GOSR2: variants seen among roughly 807,000 people sequenced by gnomAD.
The protein encoded by GOSR2 is 27 kDa Golgi SNARE protein.
A neutral mutation model predicts 27.9 loss-of-function variants in GOSR2; 20 were observed. The ratio of observed to expected loss-of-function variants is 0.72; its 90% CI spans 0.50 to 1.04. The LOEUF is 1.04. Ranked by LOEUF, GOSR2 falls within the 50% of genes least tolerant of loss-of-function variation. The pLI is 0.00. For synonymous variants in GOSR2, 91 were observed against 98.8 expected, an observed-to-expected ratio of 0.92 and a Z score of 0.47; for missense variants, 261 against 270.5, an observed-to-expected ratio of 0.97 and a Z score of 0.25.
chr17:46,933,711 G>T (rs563682051), intron 4 of GOSR2: 1 of 149,480 alleles, frequency 6.7e-6, no homozygotes, highest in East Asian at 1.9e-4. Flanking sequence ...AATGACACAC[G>T]CCTGTGATCC....
At chr17:46,973,890 C>T (rs912274684) in intron 6 of GOSR2, among the ~76,000 whole-genome samples, 1 of 152,186 alleles carries the variant, frequency 6.6e-6, no homozygotes, top group African/African-American at 2.4e-5. Context: ...GTACCCGCCA[C>T]CTCGCATGCT....
chr17:46,973,520 T>G (rs2091414198), intron 6 of GOSR2, among the ~76,000 whole-genome samples: 1 of 152,058 alleles, frequency 6.6e-6, no homozygotes, highest in African/African-American at 2.4e-5. Flanking sequence ...GGTTAAACTC[T>G]CCTTATCCAT....
chr17:46,927,962 T>C (rs1453367745), intron 1 of GOSR2, among the ~76,000 whole-genome samples: 1 of 152,190 alleles, frequency 6.6e-6, no homozygotes, highest in Non-Finnish European at 1.5e-5. Context: ...CTTAGAGTCC[T>C]AATTCTCCTT....
chr17:46,943,124 C>T (rs1250651953), downstream of GOSR2, among the ~76,000 whole-genome samples: 1 of 152,192 alleles, frequency 6.6e-6, no homozygotes, highest in Non-Finnish European at 1.5e-5. Context: ...GGCTCTAATA[C>T]AAGAACATCA....
Position 46,939,994 on chromosome 17 carries a change from A to T in GOSR2, c.*1234A>T, listed in dbSNP as rs534098104. 2.4e-5 allele frequency: 24 copies of T among 1,010,364 alleles called. No individual in the cohort carries two copies. In the African/African-American group the frequency reaches 4.0e-4, roughly 17 times the overall value. 62.6% of individuals were successfully genotyped at this position (1,010,364 alleles called of 1,614,324 possible). On this transcript the variant is annotated 3_prime_UTR_variant, in exon 6 of 6. Transcript: ENST00000640051. ...CATAAAATGACACTCAAAATCCTTCAGATCTGGAAACCGGCTCAGTATTAA... is the reference window on the plus strand; with the variant it reads ...CATAAAATGACACTCAAAATCCTTCTGATCTGGAAACCGGCTCAGTATTAA...
chr17:46,953,485 G>T (rs1478928763), intron 6 of GOSR2, among the ~76,000 whole-genome samples: 1 of 152,126 alleles, frequency 6.6e-6, no homozygotes, highest in Non-Finnish European at 1.5e-5. Flanking sequence ...CTTTGCTATT[G>T]TGAATAGTGC....
downstream of GOSR2, among the ~76,000 whole-genome samples, chr17:46,969,539 C>T (rs1159187142): frequency 2.0e-5 from 3 of 152,202 alleles, no homozygotes; most frequent in South Asian, 2.1e-4. Flanking sequence ...CCTAAACAAC[C>T]GTGGAACGAT....
chr17:46,968,851 C>G (rs2147339265), downstream of GOSR2: 1 of 152,386 alleles, frequency 6.6e-6, no homozygotes, highest in South Asian at 2.1e-4. Flanking sequence ...TGGGACCTGT[C>G]CAGACCCCCA....
At chr17:46,971,198 A>T (rs9901977), downstream of GOSR2, among the ~76,000 whole-genome samples, 69,803 of 151,814 alleles carry the variant, frequency 0.46, 16,242 homozygotes, top group Middle Eastern at 0.52. Context: ...TGAGCCAGGC[A>T]TGGTGGTGGG....
Position 46,932,157 on chromosome 17 carries a change from G to A in GOSR2, c.294G>A (p.Glu98=), listed in dbSNP as rs1300540911. Residue 98 remains glutamate, a synonymous_variant, in exon 4 of 6, where the codon GAG becomes GAA. Coordinates refer to ENST00000640051, the MANE Select transcript of GOSR2 (RefSeq NM_004287.5). ...QHRRHAREQQ[E]RQREELLSRT... ...GGCGCCATGCAAGGGAGCAGCAGGA[G>A]AGACAGCGAGAAGAGCTTCTGTCTC... 6.2e-7 allele frequency: 1 copy of A among 1,614,060 alleles called. No individual in the cohort carries two copies. The highest frequency in any genetic ancestry group is 1.3e-5 in the African/African-American group (1 of 74,914).
At position 46,941,401 on chromosome 17, in the gene GOSR2, A is replaced by G; in HGVS notation, c.*2641A>G. 1.0e-6 allele frequency: 1 copy of G among 983,132 alleles called. No individual in the cohort carries two copies. Among genetic ancestry groups the G allele is most frequent in the Non-Finnish European group, 1.2e-6 (1 of 827,856 alleles). The allele number at this position is 983,132 out of a possible 1,614,324, so 60.9% of individuals were successfully genotyped here. A position where few individuals can be genotyped will look rare whatever the true frequency, so the allele number is the denominator to read the frequency against. On this transcript the variant is annotated 3_prime_UTR_variant, in exon 6 of 6. Coordinates refer to ENST00000640051, the MANE Select transcript of GOSR2 (RefSeq NM_004287.5). Reference sequence around the variant, plus strand: ...AAAAGAATTCGATATTCATTTTTATAACTAATGGCCCCCTTTTTTTATGTT... The same window carrying G: ...AAAAGAATTCGATATTCATTTTTATGACTAATGGCCCCCTTTTTTTATGTT...
chr17:46,934,488 C>T (rs527346758), intron 4 of GOSR2, among the ~76,000 whole-genome samples: 4 of 152,270 alleles, frequency 2.6e-5, no homozygotes, highest in Admixed American at 2.6e-4. Flanking sequence ...CGCCACTGCA[C>T]TCCACCCTGG....
At chr17:46,924,528 A>G (rs2086200870) in intron 1 of GOSR2, 2 of 152,226 alleles carry the variant, frequency 1.3e-5, no homozygotes, top group South Asian at 4.1e-4. Context: ...TGATTAAAAC[A>G]CTTAAAATCA....
chr17:46,947,229 G>A lies in GOSR2; in HGVS notation c.583+8525G>A, dbSNP rs1392104624. Among the ~76,000 whole-genome samples, 4 of 152,282 alleles carry A rather than the reference G, an allele frequency of 2.6e-5. No homozygotes were observed. In the East Asian group the frequency reaches 7.7e-4, roughly 29 times the overall value. ...CATGTCCTAGATTCTGTGGCCCCAG[G>A]AGTTACTGCTCAGGAAGCAGGGCAG... On this transcript the variant is annotated intron_variant, in intron 6 of 6. Coordinates refer to the GOSR2 transcript ENST00000573224.
chr17:46,927,053 A>G (rs1356308463), intron 1 of GOSR2, among the ~76,000 whole-genome samples: 1 of 152,158 alleles, frequency 6.6e-6, no homozygotes, highest in East Asian at 1.9e-4. Context: ...CTGTTTCCTT[A>G]TTAATGCATA....
At chr17:46,931,982 G>T in intron 3 of GOSR2, 85 bp from the exon 4 acceptor site, 1 of 1,216,418 alleles carries the variant, frequency 8.2e-7, no homozygotes, top group Non-Finnish European at 1.2e-6. Context: ...AGGAAACGCC[G>T]TCTTTCCTCA....
chr17:46,966,469 T>C, intron 6 of GOSR2: 1 of 645,210 alleles, frequency 1.5e-6, no homozygotes, highest in South Asian at 1.8e-5. Flanking sequence ...CATCTCAGCC[T>C]CCAGGGTAGT....
At chr17:46,929,389 A>G in intron 1 of GOSR2, 131 bp from the exon 2 acceptor site, 1 of 703,150 alleles carries the variant, frequency 1.4e-6, no homozygotes, top group Non-Finnish European at 2.6e-6. Flanking sequence ...AGTGCCACAT[A>G]CAAATTTTAC....
At chr17:46,938,319 C>CAT (rs1010971283) in intron 5 of GOSR2, among the ~76,000 whole-genome samples, 63 of 152,114 alleles carry the variant, frequency 4.1e-4, no homozygotes, top group Non-Finnish European at 7.1e-4. Context: ...AAGAGAGATA[C>CAT]ATATATATAA....
Sources: gnomAD v4.1 joint callset for allele counts (sites outside exome capture counted in the v4.1 genomes callset) on GRCh38, gnomAD v4.1.1 for gene constraint, MANE v1.5 for transcripts, NCBI Gene and HGNC (gene_info 2026-07-23, HGNC 2026-07-21) for gene names.